The following PARG variants were observed in gnomAD, a reference collection of about 807,000 sequenced individuals.
The protein encoded by PARG is poly(ADP-ribose) glycohydrolase.
PARG carries 35 observed loss-of-function variants against 113.0 expected under a neutral mutation model. The observed-to-expected ratio is 0.31, with a 90% CI of 0.24 to 0.41. The LOEUF (loss-of-function observed/expected upper bound fraction) is 0.41, where lower values mean the gene tolerates loss of function less well. Ranked by LOEUF, PARG falls within the 10% of genes least tolerant of loss-of-function variation. The pLI is 1.00. For synonymous variants in PARG, 330 were observed against 409.9 expected, an observed-to-expected ratio of 0.81 and a Z score of 2.36; for missense variants, 797 against 1,169.4, an observed-to-expected ratio of 0.68 and a Z score of 4.64.
chr10:49,911,004 T>G (rs1300321392), intron 7 of PARG, among the ~76,000 whole-genome samples: 1 of 152,156 alleles, frequency 6.6e-6, no homozygotes, highest in East Asian at 1.9e-4. Flanking sequence ...AGTATTTGGC[T>G]GGGCACAGTG....
chr10:49,897,427 T>C (rs1329404793), intron 7 of PARG, among the ~76,000 whole-genome samples: 11 of 152,186 alleles, frequency 7.2e-5, no homozygotes, highest in Non-Finnish European at 1.6e-4. Flanking sequence ...CCTTACTCTA[T>C]GACTCTAGAG....
chr10:49,923,396 C>T (rs1357014449), intron 4 of PARG, among the ~76,000 whole-genome samples: 2 of 152,058 alleles, frequency 1.3e-5, no homozygotes, highest in African/African-American at 4.8e-5. Flanking sequence ...ACCATATTAA[C>T]TTTGTATTCT....
chr10:49,880,261 T>G (rs1847151274), intron 8 of PARG, among the ~76,000 whole-genome samples: 1 of 152,246 alleles, frequency 6.6e-6, no homozygotes, highest in Admixed American at 6.5e-5. Context: ...TAAAATGATC[T>G]AAGATAATTC....
chr10:49,925,261 A>T (rs1554850286), intron 4 of PARG, among the ~76,000 whole-genome samples: 1 of 152,082 alleles, frequency 6.6e-6, no homozygotes, highest in Non-Finnish European at 1.5e-5. Context: ...GTAATGAAGC[A>T]TCTGGTAAGA....
At position 49,857,380 on chromosome 10, in the gene PARG, A is replaced by T; in HGVS notation, c.2279T>A (p.Leu760Ter). 3 of 1,553,446 alleles carry T rather than the reference A, an allele frequency of 1.9e-6. No homozygotes were observed. The highest frequency in any genetic ancestry group is 2.7e-6 in the Non-Finnish European group (3 of 1,131,498). ...TGAAATAATCAACTCAGGATTGATT[A>T]AAAAGCGGATTTCTTCTTGCACAAG... Reference protein sequence around the residue: ...AGLVQEEIRFLINPELIISRL... With the variant: ...AGLVQEEIRF Residue 760 changes from leucine (L) to a stop codon, truncating the protein, a stop_gained, in exon 13 of 18, where the codon TTA becomes TAA. Coordinates refer to ENST00000616448, the MANE Select transcript of PARG (RefSeq NM_003631.5). LOFTEE classifies it high-confidence loss of function.
intron 6 of PARG, among the ~76,000 whole-genome samples, chr10:49,920,025 A>C (rs1186813342): frequency 6.6e-6 from 1 of 152,158 alleles, no homozygotes; most frequent in Admixed American, 6.5e-5. Context: ...TGTGCAAAAA[A>C]AGGAATAATG....
intron 7 of PARG, among the ~76,000 whole-genome samples, chr10:49,911,088 G>C (rs1333967293): frequency 6.6e-6 from 1 of 152,120 alleles, no homozygotes; most frequent in Non-Finnish European, 1.5e-5. Flanking sequence ...TTCGAGACCA[G>C]CCTGACCAAG....
intron 15 of PARG, among the ~76,000 whole-genome samples, chr10:49,837,417 C>G (rs148668929): frequency 0.014 from 2,103 of 146,706 alleles, 25 homozygotes; most frequent in Non-Finnish European, 0.02. Flanking sequence ...CACACACACA[C>G]AAGCAGAATT....
At chr10:49,918,858 ACCCC>A (rs1554848374) in intron 6 of PARG, among the ~76,000 whole-genome samples, 125 of 152,320 alleles carry the variant, frequency 8.2e-4, no homozygotes, top group Non-Finnish European at 4.1e-4. Flanking sequence ...TAAAGCAATT[ACCCC>A]TTCCTGAAAT....
intron 1 of PARG, among the ~76,000 whole-genome samples, chr10:49,936,825 C>T (rs1187335107): frequency 1.2e-4 from 18 of 151,990 alleles, no homozygotes; most frequent in Admixed American, 9.2e-4. Context: ...ATGGCATAAT[C>T]GAAATACATT....
intron 6 of PARG, among the ~76,000 whole-genome samples, chr10:49,921,892 C>T (rs1837894246): frequency 6.6e-6 from 1 of 151,962 alleles, no homozygotes; most frequent in Non-Finnish European, 1.5e-5. Context: ...TATTAAACTG[C>T]TAGGAGCTAT....
intron 7 of PARG, among the ~76,000 whole-genome samples, chr10:49,900,774 C>G (rs1223529203): frequency 4.3e-4 from 65 of 151,748 alleles, no homozygotes; most frequent in Admixed American, 1.1e-3. Context: ...TTTCTCACTT[C>G]TATTACTGTA....
intron 6 of PARG, among the ~76,000 whole-genome samples, chr10:49,918,946 T>C (rs1554848403): frequency 1.3e-5 from 2 of 152,184 alleles, no homozygotes; most frequent in Non-Finnish European, 2.9e-5. Flanking sequence ...TTATTCTTTT[T>C]TTTTTCTTCA....
Position 49,819,402 on chromosome 10 carries a change from A to G in PARG, c.2869T>C (p.Tyr957His). The G allele has an allele frequency of 6.4e-7, 1 of 1,551,372 alleles. No individual in the cohort carries two copies. Among genetic ancestry groups the G allele is most frequent in the Non-Finnish European group, 8.7e-7 (1 of 1,146,666 alleles). ...TCTGCACAGGACTCGACAGCATGGT[A>G]TATGAATGGATAAAGCTTGATGTCT... ...GPDIKLYPFI[Y>H]HAVESCAETA... The change falls in exon 18 of 18, where the codon TAC becomes CAC. Residue 957 changes from tyrosine to histidine, a missense_variant. Around this residue, in one of 5 missense-constraint regions of PARG, gnomAD observed 194 missense variants for 247.1 expected, o/e 0.79. Coordinates refer to ENST00000616448, the MANE Select transcript of PARG (RefSeq NM_003631.5).
rs1838598610 is a variant in PARG at position 49,933,625 on chromosome 10, G to C, written c.823C>G (p.Pro275Ala). Residue 275 changes from proline (P) to alanine (A), a missense_variant, in exon 3 of 18, where the codon CCA (proline) becomes GCA (alanine). By Grantham distance (27) the Pro-to-Ala change is conservative. Around this residue, in one of 5 missense-constraint regions of PARG, gnomAD observed 284 missense variants for 306.1 expected, o/e 0.93. Transcript: ENST00000616448. ...DVGSEDVGTG[P>A]KNDNKLTRQE... is the part of the protein sequence containing the mutation. ...CTAGTCAATTTGTTGTCATTTTTTG[G>C]CCCAGTACCAACATCCTCAGAGCCA... The C allele has an allele frequency of 6.2e-7, 1 of 1,608,774 alleles. No homozygotes were observed. Among genetic ancestry groups the C allele is most frequent in the Non-Finnish European group, 8.5e-7 (1 of 1,175,418 alleles).
At chr10:49,920,543 CATATAT>C (rs1228344132) in intron 6 of PARG, among the ~76,000 whole-genome samples, 2 of 128,676 alleles carry the variant, frequency 1.6e-5, no homozygotes, top group African/African-American at 5.7e-5. Context: ...TATATATACA[CATATAT>C]ATACATATAT....
Position 49,858,945 on chromosome 10 carries a change from C to T in PARG, c.2206-1492G>A, listed in dbSNP as rs569369051. Among the ~76,000 whole-genome samples, 22 of 152,136 alleles carry T rather than the reference C, an allele frequency of 1.4e-4. No individual in the cohort carries two copies. The South Asian group carries it at 2.7e-3, about 19-fold the overall frequency. ...AAGGTATGTATGGTTCCTGGCCTCA[C>T]GGCATTTGTAATTTAGATGGCAGTC... On this transcript the variant is annotated intron_variant, in intron 12 of 17. Coordinates refer to ENST00000616448, the MANE Select transcript of PARG (RefSeq NM_003631.5).
At position 49,928,116 on chromosome 10, in the gene PARG, C is replaced by T. The variant is rs144903597; in HGVS notation, c.1455+3984G>A. On this transcript the variant is annotated intron_variant, in intron 4 of 17. Coordinates refer to ENST00000616448, the MANE Select transcript of PARG (RefSeq NM_003631.5). Reference sequence around the variant, plus strand: ...CGAAACCCCGTCTCTATTAAAAATACAAACATCAGCCAAGGTTGGTGGTAT... The same window carrying T: ...CGAAACCCCGTCTCTATTAAAAATATAAACATCAGCCAAGGTTGGTGGTAT... Among the ~76,000 whole-genome samples the T allele has an allele frequency of 1.3e-3, 198 of 152,028 alleles. 1 individual carries two copies. Among genetic ancestry groups the T allele is most frequent in the African/African-American group, 4.5e-3 (185 of 41,458 alleles).
intron 2 of PARG, among the ~76,000 whole-genome samples, chr10:49,934,568 G>A (rs2132983125): frequency 6.6e-6 from 1 of 152,202 alleles, no homozygotes; most frequent in East Asian, 1.9e-4. Flanking sequence ...GACACAGACT[G>A]GCCGGGCGCA....
Sources: allele counts gnomAD v4.1 joint callset (sites outside exome capture counted in the v4.1 genomes callset), GRCh38; gene constraint gnomAD v4.1.1; regional missense constraint gnomAD v4.1.1; transcripts MANE v1.5; gene names NCBI Gene and HGNC (gene_info 2026-07-23, HGNC 2026-07-21).